TTC28: variants seen among roughly 807,000 people sequenced by gnomAD.
TTC28 encodes tetratricopeptide repeat domain 28, also known as tetratricopeptide repeat protein 28.
In TTC28, 61 loss-of-function variants were observed where a neutral mutation model predicts 198.0. The ratio of observed to expected loss-of-function variants is 0.31; its 90% CI spans 0.25 to 0.38. The LOEUF is 0.38. Among genes scored for constraint, TTC28 ranks in the 10% least tolerant of loss-of-function variants. The pLI is 1.00. For synonymous variants in TTC28, 1,171 were observed against 1,297.8 expected (o/e 0.90, Z 2.10); for missense variants, 2,678 against 3,164.0 (o/e 0.85, Z 3.69).
At chr22:28,670,277 T>A (rs2051858281) in intron 1 of TTC28, among the ~76,000 whole-genome samples, 1 of 152,176 alleles carries the variant, frequency 6.6e-6, no homozygotes, top group Non-Finnish European at 1.5e-5. Context: ...TTGCAACCAT[T>A]ACCACAATCT....
chr22:27,982,642 A>C lies in TTC28; in HGVS notation c.7025T>G (p.Ile2342Arg). 2 of 1,551,594 alleles carry C rather than the reference A, an allele frequency of 1.3e-6. No individual in the cohort carries two copies. Among genetic ancestry groups the C allele is most frequent in the Non-Finnish European group, 1.7e-6 (2 of 1,146,986 alleles). ...ARSSPADAPD[I>R]DKLKMAAIDE... The stretch of plus-strand genomic sequence containing the variant: ...AATGGCTGCCATTTTCAGTTTGTCT[A>C]TGTCGGGAGCGTCTGCTGGACTTGA... The change falls in exon 23 of 23, where the codon ATA (isoleucine) becomes AGA (arginine). Residue 2342 changes from isoleucine (I) to arginine (R), a missense_variant. Ile to Arg is a moderately conservative substitution (Grantham distance 97). Transcript: ENST00000397906. The surrounding 1 kb of genome is among the most constrained non-coding windows in gnomAD (Gnocchi z 5.2).
chr22:28,088,868 C>T (rs540072005), intron 12 of TTC28, among the ~76,000 whole-genome samples: 1 of 152,358 alleles, frequency 6.6e-6, no homozygotes, highest in Admixed American at 6.5e-5. Flanking sequence ...TGAACAGACA[C>T]TTCTCAGAAG....
intron 2 of TTC28, among the ~76,000 whole-genome samples, chr22:28,308,829 C>T (rs1057207131): frequency 6.6e-6 from 1 of 152,138 alleles, no homozygotes. Flanking sequence ...TTCCCTTATG[C>T]CCTTCCAGAG....
Position 28,108,186 on chromosome 22 carries a change from C to T in TTC28, c.1659G>A (p.Gln553=). ...CGGCAAGGTTCCCATGTGTGGAGGC[C>T]TGTGAGGCGCGGTCATTCACTTCCA... The part of the protein sequence containing the change: ...ISMEVNDRAS[Q]ASTHGNLAVA... Residue 553 remains glutamine, a synonymous_variant, in exon 7 of 23, where the codon CAG becomes CAA. Transcript: ENST00000397906. 1.9e-6 allele frequency: 3 copies of T among 1,551,702 alleles called. No individual in the cohort carries two copies. Among genetic ancestry groups the T allele is most frequent in the African/African-American group, 2.7e-5 (2 of 73,182 alleles).
At chr22:28,492,209 T>A (rs1010533032) in intron 2 of TTC28, among the ~76,000 whole-genome samples, 2 of 152,008 alleles carry the variant, frequency 1.3e-5, no homozygotes, top group Admixed American at 1.3e-4. Flanking sequence ...CATGTACACA[T>A]ATGTAACAAA....
intron 2 of TTC28, among the ~76,000 whole-genome samples, chr22:28,459,492 G>A (rs1448378324): frequency 6.6e-6 from 1 of 152,140 alleles, no homozygotes; most frequent in Non-Finnish European, 1.5e-5. Context: ...GAAGCAGGCA[G>A]AAACTGCCTT....
intron 2 of TTC28, among the ~76,000 whole-genome samples, chr22:28,490,764 A>G (rs1449062721): frequency 6.6e-6 from 1 of 152,182 alleles, no homozygotes. Context: ...TCCCTTATTA[A>G]TTGAGTAAAT....
Position 27,982,363 on chromosome 22 carries a change from C to T in TTC28, c.7304G>A (p.Arg2435His), listed in dbSNP as rs56085644. Reference sequence around the variant, plus strand: ...TGAGCCCAGCGAGGTGGTCTCGGTGCGCCAGTGTCCGTTGGGAGGGGCTTT... The same window carrying T: ...TGAGCCCAGCGAGGTGGTCTCGGTGTGCCAGTGTCCGTTGGGAGGGGCTTT... The part of the protein sequence containing the change: ...PPKAPPNGHW[R>H]TETTSLGSLP... The change falls in exon 23 of 23, where the codon CGC (arginine) becomes CAC (histidine). Residue 2435 changes from arginine to histidine, a missense_variant. By Grantham distance (29) the Arg-to-His change is conservative (BLOSUM62 0). Transcript: ENST00000397906. This position sits in a 1 kb window ranked among gnomAD's most constrained non-coding sequence, Gnocchi z 5.2. 6,283 of 1,540,914 alleles carry T rather than the reference C, an allele frequency of 4.1e-3. 26 individuals carry two copies. The highest frequency in any genetic ancestry group is 5.1e-3 in the Non-Finnish European group (5,815 of 1,141,612).
chr22:28,384,996 C>T (rs1274553465), intron 2 of TTC28, among the ~76,000 whole-genome samples: 1 of 151,640 alleles, frequency 6.6e-6, no homozygotes, highest in African/African-American at 2.4e-5. Context: ...TAAAAATTAG[C>T]TGGGCATGGT....
Position 28,163,225 on chromosome 22 carries a change from G to T in TTC28, c.1308C>A (p.Ala436=), listed in dbSNP as rs368208909. ...ELMEKAIEMR[A]YAGLGHAARC... Reference sequence around the variant, plus strand: ...TGGCAGCATGGCCTAGTCCAGCATAGGCCCGCATCTCAATAGCCTTCTCCA... The same window carrying T: ...TGGCAGCATGGCCTAGTCCAGCATATGCCCGCATCTCAATAGCCTTCTCCA... Residue 436 remains alanine (A), a synonymous_variant, in exon 6 of 23, where the codon GCC becomes GCA. Coordinates refer to ENST00000397906, the MANE Select transcript of TTC28 (RefSeq NM_001145418.2). The T allele has an allele frequency of 9.0e-6, 14 of 1,551,638 alleles. No homozygotes were observed. The African/African-American group carries it at 1.9e-4, about 21-fold the overall frequency.
At chr22:28,419,024 G>A (rs2047208668) in intron 2 of TTC28, among the ~76,000 whole-genome samples, 1 of 152,146 alleles carries the variant, frequency 6.6e-6, no homozygotes, top group South Asian at 2.1e-4. Context: ...CTGGAAATGT[G>A]TATTTTTTAA....
rs1016166169 is a variant in TTC28, at chr22:28,390,824, G to A, written c.382-84181C>T. ...TTTGCCAGTCTGTGTCTTTTAATTGGAGCATTTAGTCCATTTACATTTAAA... is the reference window on the plus strand; with the variant it reads ...TTTGCCAGTCTGTGTCTTTTAATTGAAGCATTTAGTCCATTTACATTTAAA... On this transcript the variant is annotated intron_variant, in intron 2 of 22. Coordinates refer to ENST00000397906, the MANE Select transcript of TTC28 (RefSeq NM_001145418.2). 3.3e-5 allele frequency among the ~76,000 whole-genome samples: 5 copies of A among 152,220 alleles called. No individual in the cohort carries two copies. The East Asian group carries it at 5.8e-4, about 18-fold the overall frequency.
chr22:28,155,613 C>G (rs1398427198), intron 6 of TTC28, among the ~76,000 whole-genome samples: 1 of 152,052 alleles, frequency 6.6e-6, no homozygotes, highest in Non-Finnish European at 1.5e-5. Context: ...GGTGACAAGA[C>G]AGGAACACAG....
At chr22:28,245,397 T>C (rs1930006634) in intron 5 of TTC28, among the ~76,000 whole-genome samples, 1 of 152,176 alleles carries the variant, frequency 6.6e-6, no homozygotes. Flanking sequence ...CTCTATTTCA[T>C]CCTTAGGCCA....
chr22:28,359,678 G>C (rs1193858271), intron 2 of TTC28, among the ~76,000 whole-genome samples: 1 of 152,130 alleles, frequency 6.6e-6, no homozygotes, highest in East Asian at 1.9e-4. Context: ...GTAAGTCCAA[G>C]CACCATCTGC....
chr22:28,230,019 G>A (rs1056932987), intron 5 of TTC28, among the ~76,000 whole-genome samples: 2 of 152,126 alleles, frequency 1.3e-5, no homozygotes, highest in Non-Finnish European at 2.9e-5. Flanking sequence ...TGAATAGTGG[G>A]AACCTGGTAT....
At chr22:28,315,847 G>T (rs1194920153) in intron 2 of TTC28, among the ~76,000 whole-genome samples, 1 of 152,180 alleles carries the variant, frequency 6.6e-6, no homozygotes, top group East Asian at 1.9e-4. Context: ...ATGACAAAGA[G>T]AATGAAGGAG....
chr22:28,080,669 T>C (rs547549586), intron 12 of TTC28, among the ~76,000 whole-genome samples: 16 of 152,280 alleles, frequency 1.1e-4, no homozygotes, highest in East Asian at 9.6e-4. Flanking sequence ...CTTTGCTGCA[T>C]AGAAGTTTTC....
chr22:28,082,129 T>C (rs751760800), intron 12 of TTC28, among the ~76,000 whole-genome samples: 3 of 152,236 alleles, frequency 2.0e-5, no homozygotes, highest in Non-Finnish European at 4.4e-5. Context: ...ACTAAATCTG[T>C]TTATTAGCTC....
Sources: gnomAD v4.1 joint callset for allele counts (sites outside exome capture counted in the v4.1 genomes callset) on GRCh38, gnomAD v4.1.1 for gene constraint, Gnocchi (gnomAD v3.1) non-coding constraint, MANE v1.5 for transcripts, NCBI Gene and HGNC (gene_info 2026-07-23, HGNC 2026-07-21) for gene names.